The following PECR variants were observed in gnomAD, a reference collection of about 807,000 sequenced individuals.
The protein encoded by PECR is peroxisomal trans-2-enoyl-CoA reductase, also known as 2,4-dienoyl-CoA reductase-related protein.
A neutral mutation model predicts 35.3 loss-of-function variants in PECR; 30 were observed. The observed-to-expected ratio is 0.85, with a 90% CI of 0.64 to 1.15. The LOEUF (loss-of-function observed/expected upper bound fraction) is 1.15. Ranked by LOEUF, PECR falls within the 50% of genes most tolerant of loss-of-function variation. The probability of loss-of-function intolerance (pLI) is 0.00; values close to 1 mark genes in which losing one functional copy is unlikely to be tolerated. For synonymous variants in PECR, 148 were observed against 138.9 expected (o/e 1.07, Z -0.46); for missense variants, 392 against 370.8 (o/e 1.06, Z -0.47).
At chr2:216,061,808 A>G (rs1175307683) in intron 3 of PECR, among the ~76,000 whole-genome samples, 1 of 152,202 alleles carries the variant, frequency 6.6e-6, no homozygotes, top group Non-Finnish European at 1.5e-5. Context: ...AGGACTATAT[A>G]ATGAGTGATT....
intron 7 of PECR, among the ~76,000 whole-genome samples, chr2:216,043,172 A>G (rs1489983842): frequency 6.6e-6 from 1 of 150,692 alleles, no homozygotes; most frequent in Non-Finnish European, 1.5e-5. Flanking sequence ...CAGTGGCACA[A>G]TCTCGGCTCA....
Position 216,053,996 on chromosome 2 carries a change from T to C in PECR, c.507-2451A>G, listed in dbSNP as rs1320435799. Among the ~76,000 whole-genome samples the C allele has an allele frequency of 6.6e-5, 10 of 152,264 alleles. No homozygotes were observed. The East Asian group carries it at 1.9e-3, about 29-fold the overall frequency. On this transcript the variant is annotated intron_variant, in intron 4 of 7. Transcript: ENST00000265322. ...TTTAGACTCTTATGAAAGAAATGACTGAGATAGGCTGGGTGCAGTGGCTCA... is the reference window on the plus strand; with the variant it reads ...TTTAGACTCTTATGAAAGAAATGACCGAGATAGGCTGGGTGCAGTGGCTCA...
chr2:216,047,929 G>A (rs1695026678), intron 6 of PECR, among the ~76,000 whole-genome samples: 1 of 147,818 alleles, frequency 6.8e-6, no homozygotes, highest in African/African-American at 2.5e-5. Flanking sequence ...GTTTTGTTTT[G>A]TTTTTTTCAT....
intron 1 of PECR, among the ~76,000 whole-genome samples, chr2:216,081,187 A>T (rs760442615): frequency 1.3e-5 from 2 of 152,134 alleles, no homozygotes; most frequent in African/African-American, 2.4e-5. Flanking sequence ...TATTCAGCAT[A>T]TTTCCTTGCT....
At chr2:216,058,608 T>A (rs968240907) in intron 4 of PECR, among the ~76,000 whole-genome samples, 2 of 152,076 alleles carry the variant, frequency 1.3e-5, no homozygotes, top group African/African-American at 4.8e-5. Context: ...ACATCGGGAT[T>A]AGAGTTGCCC....
At chr2:216,063,463 T>C (rs942677156) in intron 3 of PECR, among the ~76,000 whole-genome samples, 3 of 151,618 alleles carry the variant, frequency 2.0e-5, no homozygotes, top group Non-Finnish European at 4.4e-5. Flanking sequence ...ACTAAAAATA[T>C]AAAAATTAGC....
At chr2:216,071,182 T>C (rs1312031944) in intron 1 of PECR, among the ~76,000 whole-genome samples, 4 of 152,198 alleles carry the variant, frequency 2.6e-5, no homozygotes, top group African/African-American at 9.6e-5. Flanking sequence ...ACACAGTTTG[T>C]TCATCTCCTG....
At chr2:216,077,163 G>A (rs1225612171) in intron 1 of PECR, among the ~76,000 whole-genome samples, 1 of 151,512 alleles carries the variant, frequency 6.6e-6, no homozygotes, top group African/African-American at 2.4e-5. Context: ...CTCCCAAAGT[G>A]CTGGGATTAC....
chr2:216,065,552 T>C (rs1695449284), intron 2 of PECR, 75 bp from the exon 3 acceptor site: 2 of 882,748 alleles, frequency 2.3e-6, no homozygotes, highest in Admixed American at 3.6e-5. Flanking sequence ...GATTGATTGC[T>C]CTAGACAGAG....
intron 7 of PECR, among the ~76,000 whole-genome samples, chr2:216,031,280 G>A (rs573632052): frequency 3.3e-5 from 5 of 151,900 alleles, no homozygotes; most frequent in African/African-American, 7.3e-5. Flanking sequence ...GGTGGTGGGC[G>A]CCTGTAAACC....
chr2:216,046,518 G>A lies in PECR; in HGVS notation c.715-2503C>T, dbSNP rs954807681. Among the ~76,000 whole-genome samples, 3 of 151,730 alleles carry A rather than the reference G, an allele frequency of 2.0e-5. No individual in the cohort carries two copies. The East Asian group carries it at 5.8e-4, about 29-fold the overall frequency. ...GTATAGACGGGGTTTCGCCATGTTG[G>A]CCAGGCTGATCTTGAACTCCTACCT... On this transcript the variant is annotated intron_variant, in intron 6 of 7. Coordinates refer to ENST00000265322, the MANE Select transcript of PECR (RefSeq NM_018441.6).
intron 1 of PECR, among the ~76,000 whole-genome samples, chr2:216,080,147 C>T (rs1465760550): frequency 6.6e-6 from 1 of 151,882 alleles, no homozygotes; most frequent in Admixed American, 6.6e-5. Flanking sequence ...AGTGGCTTGA[C>T]GTCAGCTCAT....
chr2:216,080,355 C>T (rs1175689211), intron 1 of PECR, among the ~76,000 whole-genome samples: 1 of 152,158 alleles, frequency 6.6e-6, no homozygotes, highest in Non-Finnish European at 1.5e-5. Context: ...GAATTACAGG[C>T]GTGAGCCACT....
chr2:216,068,810 T>A (rs1311728410), intron 1 of PECR, among the ~76,000 whole-genome samples: 3 of 147,582 alleles, frequency 2.0e-5, no homozygotes, highest in African/African-American at 7.7e-5. Flanking sequence ...GCCAATTTTT[T>A]TTTTTTTTTT....
rs369065979 is a variant in PECR at position 216,065,433 on chromosome 2, G to A, written c.303C>T (p.Ile101=). The A allele has an allele frequency of 9.3e-5, 150 of 1,606,796 alleles. No homozygotes were observed. The highest frequency in any genetic ancestry group is 1.2e-4 in the Non-Finnish European group (140 of 1,173,466). The change falls in exon 3 of 8, where the codon ATC becomes ATT. Residue 101 remains isoleucine (I), a synonymous_variant. Transcript: ENST00000265322. Reference sequence around the variant, plus strand: ...CTCCTCCATTGTTCACCAAGAAATTGATCTTACCAAAAGTATCTAAGGTAG... The same window carrying A: ...CTCCTCCATTGTTCACCAAGAAATTAATCTTACCAAAAGTATCTAAGGTAG... ...VKSTLDTFGK[I]NFLVNNGGGQ... is the part of the protein sequence containing the mutation.
At chr2:216,030,363 A>T (rs1694661298) in intron 7 of PECR, among the ~76,000 whole-genome samples, 1 of 152,198 alleles carries the variant, frequency 6.6e-6, no homozygotes, top group South Asian at 2.1e-4. Flanking sequence ...ATGTGCTGAG[A>T]TCTTGAACAA....
downstream of PECR, among the ~76,000 whole-genome samples, chr2:216,034,763 G>C (rs1694767241): frequency 6.6e-6 from 1 of 152,160 alleles, no homozygotes; most frequent in African/African-American, 2.4e-5. Context: ...CGCTCCAGGG[G>C]AGTGTCATTT....
intron 7 of PECR, among the ~76,000 whole-genome samples, chr2:216,031,687 GAAAGAGAA>G (rs1467743521): frequency 1.4e-4 from 7 of 48,592 alleles, no homozygotes; most frequent in Admixed American, 2.4e-4. Flanking sequence ...AAGAAAGAAA[GAAAGAGAA>G]AGAAAGAAAG....
intron 3 of PECR, among the ~76,000 whole-genome samples, chr2:216,059,890 C>T (rs1695300815): frequency 6.6e-6 from 1 of 152,188 alleles, no homozygotes; most frequent in Admixed American, 6.5e-5. Flanking sequence ...ATTCTGGGCC[C>T]TCTGCATCTC....
Sources: allele counts gnomAD v4.1 joint callset (sites outside exome capture counted in the v4.1 genomes callset), GRCh38; gene constraint gnomAD v4.1.1; transcripts MANE v1.5; gene names NCBI Gene and HGNC (gene_info 2026-07-23, HGNC 2026-07-21).